Variants in BCHE observed in about 807,000 individuals in gnomAD.
BCHE encodes the protein cholinesterase.
Under a neutral mutation model 51.3 loss-of-function variants are expected in BCHE, and 48 were observed. The observed-to-expected ratio is 0.94, with a 90% confidence interval of 0.74 to 1.19. The LOEUF is 1.19. Ranked by LOEUF, BCHE falls within the 50% of genes most tolerant of loss-of-function variation. The pLI is 0.00. For synonymous variants in BCHE, 251 were observed against 238.0 expected (o/e 1.05, Z -0.50); for missense variants, 847 against 708.2 (o/e 1.20, Z -2.23).
chr3:165,782,359 T>C (rs749394142), intron 3 of BCHE, among the ~76,000 whole-genome samples: 1 of 152,126 alleles, frequency 6.6e-6, no homozygotes, highest in African/African-American at 2.4e-5. Context: ...ATTTTTTGTT[T>C]AATGCCTCAC....
chr3:165,829,688 A>C lies in BCHE; in HGVS notation c.1346T>G (p.Phe449Cys). 1 of 1,613,920 alleles carries C rather than the reference A, an allele frequency of 6.2e-7. No homozygotes were observed. Among genetic ancestry groups the C allele is most frequent in the South Asian group, 1.1e-5 (1 of 91,078 alleles). Residue 449 changes from phenylalanine (F) to cysteine (C), a missense_variant, in exon 2 of 4, where the codon TTT becomes TGT. By Grantham distance (205) the Phe-to-Cys change is radical (BLOSUM62 -2). Transcript: ENST00000264381. ...CGGAAGTTTGGAGGATCGGTGTTCAAAATAGTAGAAAAAGGCATTATTTCC... is the reference window on the plus strand; with the variant it reads ...CGGAAGTTTGGAGGATCGGTGTTCACAATAGTAGAAAAAGGCATTATTTCC... The part of the protein sequence containing the change: ...EWGNNAFFYY[F>C]EHRSSKLPWP...
At chr3:165,834,015 C>A (rs888324136) in intron 1 of BCHE, among the ~76,000 whole-genome samples, 4 of 151,908 alleles carry the variant, frequency 2.6e-5, no homozygotes, top group Non-Finnish European at 5.9e-5. Flanking sequence ...CTTTAGAAAC[C>A]AAACACCAAA....
At chr3:165,821,631 A>G (rs1714521608) in intron 2 of BCHE, among the ~76,000 whole-genome samples, 1 of 151,990 alleles carries the variant, frequency 6.6e-6, no homozygotes, top group South Asian at 2.1e-4. Context: ...TACTTTAATG[A>G]CGTTATGGCC....
intron 2 of BCHE, among the ~76,000 whole-genome samples, chr3:165,790,452 T>C: frequency 6.6e-6 from 1 of 152,170 alleles, no homozygotes; most frequent in Non-Finnish European, 1.5e-5. Context: ...TTCTAATTTG[T>C]AACTTTTTGC....
rs1038856259 is a variant in BCHE, at chr3:165,773,414, T to C, written c.1777A>G (p.Thr593Ala). Reference protein sequence around the residue: ...MDWKNQFNDYTSKKESCVGL With the variant: ...MDWKNQFNDYASKKESCVGL ...CCCACACAACTTTCTTTCTTGCTAG[T>C]GTAATCGTTAAATTGATTTTTCCAG... The change falls in exon 4 of 4, where the codon ACT becomes GCT. Residue 593 changes from threonine to alanine, a missense_variant. Transcript: ENST00000264381. 5 of 1,611,004 alleles carry C rather than the reference T, an allele frequency of 3.1e-6. No individual in the cohort carries two copies. In the South Asian group the frequency reaches 5.5e-5, roughly 18 times the overall value.
chr3:165,797,743 T>G (rs139616758), intron 2 of BCHE, among the ~76,000 whole-genome samples: 1 of 152,136 alleles, frequency 6.6e-6, no homozygotes, highest in Non-Finnish European at 1.5e-5. Flanking sequence ...GTCTGTGCCA[T>G]AAAATTGATG....
intron 2 of BCHE, among the ~76,000 whole-genome samples, chr3:165,798,761 G>C (rs1713524283): frequency 6.6e-6 from 1 of 152,086 alleles, no homozygotes; most frequent in East Asian, 1.9e-4. Context: ...GACTGAGTTA[G>C]AAGGATTTCT....
intron 3 of BCHE, among the ~76,000 whole-genome samples, chr3:165,780,476 C>T (rs560665931): frequency 1.2e-4 from 18 of 152,222 alleles, no homozygotes; most frequent in Non-Finnish European, 5.9e-5. Context: ...AACAGGCAAC[C>T]TACAGAATGA....
intron 3 of BCHE, among the ~76,000 whole-genome samples, chr3:165,779,492 C>G (rs1712601164): frequency 6.6e-6 from 1 of 152,036 alleles, no homozygotes; most frequent in Non-Finnish European, 1.5e-5. Context: ...TGTTCGTAGA[C>G]AACATGATTC....
intron 2 of BCHE, among the ~76,000 whole-genome samples, chr3:165,795,565 C>T (rs1324386264): frequency 1.3e-5 from 2 of 152,054 alleles, no homozygotes; most frequent in Non-Finnish European, 2.9e-5. Context: ...TAGTTGCTTC[C>T]TCCCATCTCC....
chr3:165,810,949 C>T (rs73028226), intron 2 of BCHE, among the ~76,000 whole-genome samples: 5 of 151,988 alleles, frequency 3.3e-5, no homozygotes, highest in Admixed American at 1.3e-4. Flanking sequence ...AACTAAAATA[C>T]GTAGTGGAGT....
rs147996041 is a variant in BCHE, at chr3:165,780,021, G to T, written c.1684+6124C>A. Among the ~76,000 whole-genome samples the T allele has an allele frequency of 3.6e-3, 550 of 152,142 alleles. 2 individuals carry two copies. The highest frequency in any genetic ancestry group is 0.012 in the African/African-American group (516 of 41,512). ...ACCTGACTTCAAACTATACTACAAGGCTATAGTAACCAAAACAGCATGGTA... is the reference window on the plus strand; with the variant it reads ...ACCTGACTTCAAACTATACTACAAGTCTATAGTAACCAAAACAGCATGGTA... On this transcript the variant is annotated intron_variant, in intron 3 of 3. Transcript: ENST00000264381.
chr3:165,795,135 A>ATTACAAGAAAAT (rs1713320182), intron 2 of BCHE, among the ~76,000 whole-genome samples: 1 of 152,222 alleles, frequency 6.6e-6, no homozygotes, highest in East Asian at 1.9e-4. Flanking sequence ...ACATTTTCTC[A>ATTACAAGAAAAT]TGTGTTAAGT....
chr3:165,798,943 T>C (rs1713532659), intron 2 of BCHE, among the ~76,000 whole-genome samples: 1 of 152,076 alleles, frequency 6.6e-6, no homozygotes, highest in Non-Finnish European at 1.5e-5. Flanking sequence ...AAATGGAATA[T>C]AAACAAATTT....
chr3:165,804,655 C>T lies in BCHE; in HGVS notation c.1518-18344G>A, dbSNP rs182629429. Reference sequence around the variant, plus strand: ...TTCTTGTGTGTGAGTGTGTAAAAAGCAAGTTTGTAGCTGTGCAAGTAGAGA... The same window carrying T: ...TTCTTGTGTGTGAGTGTGTAAAAAGTAAGTTTGTAGCTGTGCAAGTAGAGA... On this transcript the variant is annotated intron_variant, in intron 2 of 3. Coordinates refer to ENST00000264381, the MANE Select transcript of BCHE (RefSeq NM_000055.4). Among the ~76,000 whole-genome samples the T allele has an allele frequency of 2.4e-4, 36 of 152,100 alleles. No individual in the cohort carries two copies. The East Asian group carries it at 6.6e-3, about 28-fold the overall frequency.
At position 165,829,636 on chromosome 3, in the gene BCHE, A is replaced by C; in HGVS notation, c.1398T>G (p.His466Gln). ...LPWPEWMGVM[H>Q]GYEIEFVFGL... Reference sequence around the variant, plus strand: ...CAAAGACAAATTCAATTTCATAGCCATGCATCACTCCCATCCATTCTGGCC... The same window carrying C: ...CAAAGACAAATTCAATTTCATAGCCCTGCATCACTCCCATCCATTCTGGCC... Residue 466 changes from histidine to glutamine, a missense_variant, in exon 2 of 4, where the codon CAT (histidine) becomes CAG (glutamine). Physicochemically the swap from His to Gln is conservative, Grantham distance 24 (BLOSUM62 0). Coordinates refer to ENST00000264381, the MANE Select transcript of BCHE (RefSeq NM_000055.4). 6.2e-7 allele frequency: 1 copy of C among 1,613,832 alleles called. No individual in the cohort carries two copies. The highest frequency in any genetic ancestry group is 1.7e-4 in the Middle Eastern group (1 of 6,060).
intron 2 of BCHE, among the ~76,000 whole-genome samples, chr3:165,796,743 A>G (rs981138046): frequency 6.6e-6 from 1 of 152,140 alleles, no homozygotes; most frequent in Non-Finnish European, 1.5e-5. Flanking sequence ...TCTCCTAAAT[A>G]CTTCACTAAA....
At chr3:165,822,269 A>G (rs1453720941) in intron 2 of BCHE, among the ~76,000 whole-genome samples, 3 of 152,022 alleles carry the variant, frequency 2.0e-5, no homozygotes, top group Admixed American at 2.0e-4. Flanking sequence ...TTGCCTCAAT[A>G]TTAAAGTTTA....
intron 2 of BCHE, among the ~76,000 whole-genome samples, chr3:165,804,579 G>C (rs1713801810): frequency 2.6e-5 from 4 of 152,248 alleles, no homozygotes; most frequent in Middle Eastern, 3.4e-3. Flanking sequence ...CTTGGCCAGG[G>C]TTTTTGATAA....
Sources: gnomAD v4.1 joint callset for allele counts (sites outside exome capture counted in the v4.1 genomes callset) on GRCh38, gnomAD v4.1.1 for gene constraint, MANE v1.5 for transcripts, NCBI Gene and HGNC (gene_info 2026-07-23, HGNC 2026-07-21) for gene names.